The following RPS6KC1 variants were observed in gnomAD, a reference collection of about 807,000 sequenced individuals.
RPS6KC1 encodes inactive ribosomal protein S6 kinase delta-1.
A neutral mutation model predicts 103.8 loss-of-function variants in RPS6KC1; 54 were observed. That is an observed-to-expected ratio of 0.52 (90% confidence interval 0.42 to 0.65). The LOEUF is 0.65. RPS6KC1 is among the 30% of genes least tolerant of loss of function. The pLI, the probability that RPS6KC1 is intolerant of heterozygous loss-of-function variation, is 0.00. For synonymous variants in RPS6KC1, 439 were observed against 438.7 expected (o/e 1.00, Z -0.01); for missense variants, 1,151 against 1,253.8 (o/e 0.92, Z 1.24).
the RPS6KC1 span, among the ~76,000 whole-genome samples, chr1:213,708,443 C>T: frequency 1.1e-3 from 163 of 152,228 alleles, 1 homozygote; most frequent in African/African-American, 3.4e-3. Context: ...TGGGCTGAGA[C>T]GATGGGTTTT....
the RPS6KC1 span, among the ~76,000 whole-genome samples, chr1:213,657,785 T>A: frequency 6.6e-6 from 1 of 152,270 alleles, no homozygotes; most frequent in Non-Finnish European, 1.5e-5. Flanking sequence ...AGTCATCTTC[T>A]TAATTTCTCT....
chr1:213,092,616 G>T (rs1190272352), intron 3 of RPS6KC1, among the ~76,000 whole-genome samples: 1 of 150,686 alleles, frequency 6.6e-6, no homozygotes, highest in Non-Finnish European at 1.5e-5. Flanking sequence ...AGCTTGCAGT[G>T]AGCCCAGATC....
At chr1:213,801,754 G>A in the RPS6KC1 span, among the ~76,000 whole-genome samples, 2 of 152,180 alleles carry the variant, frequency 1.3e-5, no homozygotes, top group Non-Finnish European at 2.9e-5. Flanking sequence ...ATTATTCTGT[G>A]TTTTAATGTG....
chr1:213,810,095 C>T, the RPS6KC1 span, among the ~76,000 whole-genome samples: 4 of 152,140 alleles, frequency 2.6e-5, no homozygotes, highest in South Asian at 2.1e-4. Flanking sequence ...TTATCATTGC[C>T]GTTGAGAAGC....
chr1:213,602,096 CTTTCTT>C, the RPS6KC1 span, among the ~76,000 whole-genome samples: 83 of 31,980 alleles, frequency 2.6e-3, 13 homozygotes, highest in African/African-American at 0.013. Flanking sequence ...TTCTTTCTTT[CTTTCTT>C]TCTTTCTTTC....
chr1:213,199,204 A>G (rs1207858884), intron 8 of RPS6KC1, among the ~76,000 whole-genome samples: 2 of 152,242 alleles, frequency 1.3e-5, no homozygotes, highest in Admixed American at 6.5e-5. Context: ...GGAAAACTTC[A>G]GGCCATTATT....
chr1:213,806,995 C>T, the RPS6KC1 span, among the ~76,000 whole-genome samples: 13 of 151,950 alleles, frequency 8.6e-5, no homozygotes, highest in Non-Finnish European at 7.4e-5. Context: ...AATCTCTCAG[C>T]ATTTGCTTGT....
chr1:213,394,081 C>T, the RPS6KC1 span, among the ~76,000 whole-genome samples: 5 of 152,116 alleles, frequency 3.3e-5, no homozygotes, highest in South Asian at 1.0e-3. Context: ...AAGGGGTGTA[C>T]GGAGGAGGCT....
the RPS6KC1 span, among the ~76,000 whole-genome samples, chr1:213,425,314 C>A: frequency 6.6e-6 from 1 of 152,080 alleles, no homozygotes; most frequent in Non-Finnish European, 1.5e-5. Context: ...CATCGGACAC[C>A]AAATATTCTC....
the RPS6KC1 span, among the ~76,000 whole-genome samples, chr1:213,826,560 T>C: frequency 5.9e-5 from 9 of 152,194 alleles, no homozygotes; most frequent in African/African-American, 2.2e-4. Flanking sequence ...AAATGTGGGA[T>C]TTTTTGTTTA....
At chr1:213,191,774 G>A in intron 8 of RPS6KC1, among the ~76,000 whole-genome samples, 1 of 151,886 alleles carries the variant, frequency 6.6e-6, no homozygotes, top group East Asian at 1.9e-4. Context: ...CTAGATATGG[G>A]TCTGTCGTAT....
the RPS6KC1 span, among the ~76,000 whole-genome samples, chr1:213,784,925 A>G: frequency 6.6e-6 from 1 of 152,168 alleles, no homozygotes; most frequent in East Asian, 1.9e-4. Flanking sequence ...GAGATATTAT[A>G]CTAAAATGTG....
chr1:213,452,894 A>G, the RPS6KC1 span, among the ~76,000 whole-genome samples: 1 of 152,248 alleles, frequency 6.6e-6, no homozygotes, highest in Non-Finnish European at 1.5e-5. Flanking sequence ...TGATTTGTAC[A>G]GGACAGATTT....
At chr1:213,215,253 C>T (rs530002277) in intron 8 of RPS6KC1, among the ~76,000 whole-genome samples, 72 of 152,094 alleles carry the variant, frequency 4.7e-4, no homozygotes, top group African/African-American at 1.4e-3. Flanking sequence ...GTAGCCGATG[C>T]GATCAACTGG....
chr1:213,451,985 G>A, the RPS6KC1 span, among the ~76,000 whole-genome samples: 1 of 152,206 alleles, frequency 6.6e-6, no homozygotes, highest in East Asian at 1.9e-4. Context: ...AAACACTGGG[G>A]CTGACGGTGT....
the RPS6KC1 span, among the ~76,000 whole-genome samples, chr1:213,670,204 T>C: frequency 9.2e-5 from 14 of 152,184 alleles, no homozygotes; most frequent in Non-Finnish European, 1.9e-4. Flanking sequence ...CTTCCCATTT[T>C]CTGTTATTTC....
the RPS6KC1 span, among the ~76,000 whole-genome samples, chr1:213,727,561 A>G: frequency 6.6e-6 from 1 of 152,204 alleles, no homozygotes; most frequent in Non-Finnish European, 1.5e-5. Flanking sequence ...CTGTGAAGAA[A>G]CTGGTTGCTG....
At chr1:213,736,652 A>G in the RPS6KC1 span, among the ~76,000 whole-genome samples, 501 of 152,288 alleles carry the variant, frequency 3.3e-3, 11 homozygotes, top group Non-Finnish European at 4.1e-4. Flanking sequence ...GGAGGTGGGA[A>G]TCATTGGGGG....
chr1:213,553,659 G>A, the RPS6KC1 span, among the ~76,000 whole-genome samples: 30 of 151,916 alleles, frequency 2.0e-4, no homozygotes, highest in Admixed American at 6.6e-4. Context: ...GTGTATCAGC[G>A]TTTCCTTTTC....
Sources: allele counts gnomAD v4.1 joint callset (sites outside exome capture counted in the v4.1 genomes callset), GRCh38; gene constraint gnomAD v4.1.1; transcripts MANE v1.5; gene names NCBI Gene and HGNC (gene_info 2026-07-23, HGNC 2026-07-21).